Variants in TSBP1 observed in about 807,000 individuals in gnomAD.
TSBP1 encodes the protein testis-expressed basic protein 1.
Under a neutral mutation model 68.8 loss-of-function variants are expected in TSBP1, and 56 were observed. The ratio of observed to expected loss-of-function variants is 0.81; its 90% CI spans 0.66 to 1.02. The LOEUF is 1.02. Ranked by LOEUF, TSBP1 falls within the 50% of genes least tolerant of loss-of-function variation. The pLI, the probability that TSBP1 is intolerant of heterozygous loss-of-function variation, is 0.00. For synonymous variants in TSBP1, 171 were observed against 208.7 expected (o/e 0.82, Z 1.56); for missense variants, 502 against 641.2 (o/e 0.78, Z 2.34).
chr6:32,333,722 ATCT>A lies in TSBP1; in HGVS notation c.473-1671_473-1669del, dbSNP rs1769323996. The stretch of plus-strand genomic sequence containing the variant: ...CTGTTCCCAGATGAGAGCTATGGTA[ATCT>A]TCTAAGTCTGCGTGGTTAGTTGAAT... On this transcript the variant is annotated intron_variant, in intron 14 of 22. Coordinates refer to ENST00000612031, the Ensembl canonical transcript of TSBP1. The surrounding 1 kb of genome is among the most constrained non-coding windows in gnomAD (Gnocchi z 4.2). Among the ~76,000 whole-genome samples, 1 of 152,234 alleles carries A rather than the reference ATCT, an allele frequency of 6.6e-6. No individual in the cohort carries two copies. Among genetic ancestry groups the A allele is most frequent in the Non-Finnish European group, 1.5e-5 (1 of 68,042 alleles).
At position 32,340,822 on chromosome 6, in the gene TSBP1, A is replaced by G. The variant is rs1012599091; in HGVS notation, c.350-1184T>C. Among the ~76,000 whole-genome samples the G allele has an allele frequency of 4.0e-5, 6 of 151,696 alleles. No homozygotes were observed. The highest frequency in any genetic ancestry group is 7.3e-5 in the African/African-American group (3 of 41,266). On this transcript the variant is annotated intron_variant, in intron 9 of 22. Coordinates refer to ENST00000612031, the Ensembl canonical transcript of TSBP1. This position sits in a 1 kb window ranked among gnomAD's most constrained non-coding sequence, Gnocchi z 4.8. ...TTTCTTTCTTTTTTTTTTTGAGACAATCTCTCTCTGTCACCCAGACTGGAG... is the reference window on the plus strand; with the variant it reads ...TTTCTTTCTTTTTTTTTTTGAGACAGTCTCTCTCTGTCACCCAGACTGGAG...
rs533885 is a variant in TSBP1 at position 32,325,375 on chromosome 6, A to T, written c.515-1761T>A. The T allele has an allele frequency of 1.7e-3, 1,640 of 950,964 alleles. 4 individuals carry two copies. The highest frequency in any genetic ancestry group is 2.5e-3 in the Non-Finnish European group (1,451 of 592,010). 58.9% of individuals were successfully genotyped at this position (950,964 alleles called of 1,614,324 possible). Reference sequence around the variant, plus strand: ...GGTCATGAGAGATCCAAACCCAAGCACTCCAGGGGCTTTGGATTTTTCACA... The same window carrying T: ...GGTCATGAGAGATCCAAACCCAAGCTCTCCAGGGGCTTTGGATTTTTCACA... On this transcript the variant is annotated intron_variant, in intron 16 of 22. Coordinates refer to ENST00000612031, the Ensembl canonical transcript of TSBP1. The surrounding 1 kb of genome is among the most constrained non-coding windows in gnomAD (Gnocchi z 4.4).
chr6:32,310,761 A>ATATTT, intron 19 of TSBP1, among the ~76,000 whole-genome samples: 176 of 144,830 alleles, frequency 1.2e-3, no homozygotes, highest in Admixed American at 3.6e-3. Context: ...ATATATATAT[A>ATATTT]TTTTTAATCT....
In TSBP1 at chr6:32,334,495, C is replaced by T. The variant is rs1350953604; in HGVS notation, c.472+942G>A. Among the ~76,000 whole-genome samples the T allele has an allele frequency of 2.0e-5, 3 of 152,040 alleles. No homozygotes were observed. In the East Asian group the frequency reaches 5.8e-4, roughly 29 times the overall value. The stretch of plus-strand genomic sequence containing the variant: ...TCAGTCTTAATTTTATTAACTAACC[C>T]ATCCTCTTATTTTTTTGAGAAATGA... On this transcript the variant is annotated intron_variant, in intron 14 of 22. Transcript: ENST00000612031.
At chr6:32,370,886 AAAC>A (rs1178615368) in intron 1 of TSBP1, among the ~76,000 whole-genome samples, 1 of 152,154 alleles carries the variant, frequency 6.6e-6, no homozygotes, top group East Asian at 1.9e-4. Flanking sequence ...AAGAAGAAAA[AAAC>A]AACCATAAAA....
rs148516603 is a variant in TSBP1 at position 32,330,819 on chromosome 6, C to T, written c.494-210G>A. ...CTGAGTAGCAGGGATTACAGGTGCCCGCCACCATGCCTGGCTATTTTTTGT... is the reference window on the plus strand; with the variant it reads ...CTGAGTAGCAGGGATTACAGGTGCCTGCCACCATGCCTGGCTATTTTTTGT... On this transcript the variant is annotated intron_variant, in intron 15 of 22. Transcript: ENST00000612031. Among the ~76,000 whole-genome samples the T allele has an allele frequency of 6.7e-3, 1,017 of 152,006 alleles. 18 individuals carry two copies. The highest frequency in any genetic ancestry group is 0.02 in the East Asian group (101 of 5,166).
intron 19 of TSBP1, among the ~76,000 whole-genome samples, chr6:32,305,541 C>T (rs1160185021): frequency 1.3e-5 from 2 of 152,192 alleles, no homozygotes; most frequent in African/African-American, 4.8e-5. Flanking sequence ...TAAATAAAAA[C>T]TGTCTTCTTT....
chr6:32,310,763 T>TA lies in TSBP1; in HGVS notation c.580+5008_580+5009insT, dbSNP rs1562079771. Among the ~76,000 whole-genome samples the TA allele has an allele frequency of 4.1e-5, 5 of 121,344 alleles. No homozygotes were observed. The East Asian group carries it at 1.4e-3, about 35-fold the overall frequency. 79.6% of individuals were successfully genotyped at this position (121,344 alleles called of 152,430 possible). On this transcript the variant is annotated intron_variant, in intron 19 of 22. Coordinates refer to ENST00000612031, the Ensembl canonical transcript of TSBP1. ...TATATACATATATATATATATATAT[T>TA]TTTAATCTTTTTAGAAAGGATAGTC...
chr6:32,327,971 T>A (rs1225743816), intron 16 of TSBP1, among the ~76,000 whole-genome samples: 5 of 151,306 alleles, frequency 3.3e-5, no homozygotes, highest in Admixed American at 6.6e-5. Flanking sequence ...ATTATTTTTT[T>A]TTTTTTGTAT....
rs530994779 is a variant in TSBP1, at chr6:32,300,624, A to G, written c.622+56T>C. The G allele has an allele frequency of 6.5e-6, 10 of 1,539,144 alleles. No individual in the cohort carries two copies. The African/African-American group carries it at 8.2e-5, about 13-fold the overall frequency. ...TAACACAAGAACATTTGGGAAAAAG[A>G]ACTTAAAGGTCCTAGGCACAGAAAT... On this transcript the variant is annotated intron_variant, in intron 21 of 22. Transcript: ENST00000612031.
At chr6:32,339,725 C>T (rs1335499723) in intron 9 of TSBP1, 87 bp from the exon 11 acceptor site, 2 of 635,340 alleles carry the variant, frequency 3.1e-6, no homozygotes, top group Non-Finnish European at 5.7e-6. Context: ...CCTCCTCCCC[C>T]TCCTCAGGTG....
rs2069026 is a variant in TSBP1, at chr6:32,314,181, C to T, written c.580+1591G>A. On this transcript the variant is annotated intron_variant, in intron 19 of 22. Coordinates refer to ENST00000612031, the Ensembl canonical transcript of TSBP1. The surrounding 1 kb of genome is among the most constrained non-coding windows in gnomAD (Gnocchi z 4.2). ...TTCTTTATGCTTAGGTATGACTGTG[C>T]ATTTTTCATTTAAAAATATTTCCAG... Among the ~76,000 whole-genome samples, 31,996 of 152,058 alleles carry T rather than the reference C, an allele frequency of 0.21. 3,556 individuals are homozygous for T. Among genetic ancestry groups the T allele is most frequent in the East Asian group, 0.22 (1,157 of 5,176 alleles).
chr6:32,364,884 A>C (rs34673422), intron 6 of TSBP1, among the ~76,000 whole-genome samples: 3,272 of 145,794 alleles, frequency 0.022, 51 homozygotes, highest in South Asian at 0.051. Context: ...GTTTGTGCCT[A>C]CTTCACAGGT....
intron 16 of TSBP1, among the ~76,000 whole-genome samples, chr6:32,327,193 A>G (rs73396914): frequency 0.01 from 1,552 of 152,344 alleles, 24 homozygotes; most frequent in African/African-American, 0.025. Flanking sequence ...GAGTTTCTAC[A>G]CACACAAGAC....
In TSBP1 at chr6:32,371,644, T is replaced by A. The variant is rs774583368; in HGVS notation, c.13+50A>T. 1.1e-5 allele frequency: 15 copies of A among 1,361,206 alleles called. No homozygotes were observed. The African/African-American group carries it at 1.6e-4, about 14-fold the overall frequency. The allele number at this position is 1,361,206 out of a possible 1,614,324, so 84.3% of individuals were successfully genotyped here. ...AGTCCCTAAGTCCCTAAGAGGAGAC[T>A]CCTGAACTACTAGAGTTGAGGAAGC... On this transcript the variant is annotated intron_variant, in intron 1 of 22. Coordinates refer to ENST00000612031, the Ensembl canonical transcript of TSBP1.
rs779614124 is a variant in TSBP1, at chr6:32,335,402, TA to T, written c.472+34del. ...TAGATTGATGTTCTAAGTAAAGTAC[TA>T]AAAGGCATTATAATTGAGAATCAGA... On this transcript the variant is annotated intron_variant, in intron 14 of 22. Transcript: ENST00000612031. The surrounding 1 kb of genome is among the most constrained non-coding windows in gnomAD (Gnocchi z 5.5). 2.7e-6 allele frequency: 4 copies of T among 1,501,258 alleles called. No homozygotes were observed. The South Asian group carries it at 5.2e-5, about 20-fold the overall frequency. 93.0% of individuals were successfully genotyped at this position (1,501,258 alleles called of 1,614,324 possible).
At chr6:32,305,153 C>T (rs868679961) in intron 19 of TSBP1, among the ~76,000 whole-genome samples, 11 of 152,052 alleles carry the variant, frequency 7.2e-5, no homozygotes, top group African/African-American at 2.7e-4. Flanking sequence ...GACAAGATTA[C>T]GAAGGAATTC....
At chr6:32,342,232 C>G (rs561964906) in intron 9 of TSBP1, among the ~76,000 whole-genome samples, 1 of 151,250 alleles carries the variant, frequency 6.6e-6, no homozygotes, top group African/African-American at 2.4e-5. Context: ...TGTTGCGATC[C>G]TGGCTCACTG....
intron 9 of TSBP1, among the ~76,000 whole-genome samples, chr6:32,347,264 A>C (rs1771148044): frequency 6.6e-6 from 1 of 151,676 alleles, no homozygotes. Context: ...CTTGGGCTCA[A>C]GTGATCCTCC....
Sources: allele counts gnomAD v4.1 joint callset (sites outside exome capture counted in the v4.1 genomes callset), GRCh38; gene constraint gnomAD v4.1.1; non-coding constraint Gnocchi (gnomAD v3.1); transcripts MANE v1.5; gene names NCBI Gene and HGNC (gene_info 2026-07-23, HGNC 2026-07-21).